Variants in MCTP1 observed in about 807,000 individuals in gnomAD.
MCTP1 encodes the protein multiple C2 and transmembrane domain-containing protein 1.
A neutral mutation model predicts 120.6 loss-of-function variants in MCTP1; 69 were observed. The observed-to-expected ratio is 0.57, with a 90% confidence interval of 0.47 to 0.70. The LOEUF is 0.70. MCTP1 is among the 30% of genes least tolerant of loss of function. MCTP1 has a pLI of 0.00. For missense variants in MCTP1, 1,203 were observed against 1,248.8 expected (o/e 0.96, Z 0.55); for synonymous variants, 529 against 493.1 (o/e 1.07, Z -0.96).
At chr5:94,877,181 T>G (rs78084896) in intron 12 of MCTP1, among the ~76,000 whole-genome samples, 1 of 152,046 alleles carries the variant, frequency 6.6e-6, no homozygotes, top group South Asian at 2.1e-4. Context: ...CTTTTAAAAG[T>G]GAAGGATAAT....
intron 10 of MCTP1, among the ~76,000 whole-genome samples, chr5:94,899,219 C>G (rs901947022): frequency 2.0e-5 from 3 of 152,202 alleles, no homozygotes; most frequent in African/African-American, 7.2e-5. Context: ...ACTGATGGTT[C>G]TATATGTGTG....
chr5:94,766,586 C>T (rs536377117), intron 19 of MCTP1, among the ~76,000 whole-genome samples: 3 of 151,730 alleles, frequency 2.0e-5, no homozygotes, highest in South Asian at 2.1e-4. Context: ...GACGAGTTAA[C>T]GGATGCAGCA....
chr5:94,839,733 C>G (rs555244011), intron 17 of MCTP1, among the ~76,000 whole-genome samples: 2 of 152,080 alleles, frequency 1.3e-5, no homozygotes. Context: ...GGATTTGAAG[C>G]CTGGCTCTGG....
rs535248983 is a variant in MCTP1 at position 95,043,298 on chromosome 5, A to G, written c.721-25814T>C. 5.3e-5 allele frequency among the ~76,000 whole-genome samples: 8 copies of G among 152,262 alleles called. No individual in the cohort carries two copies. In the East Asian group the frequency reaches 1.5e-3, roughly 29 times the overall value. Reference sequence around the variant, plus strand: ...ATAATCTGGTATTAACACTTCTCAAAATTGCCTTTCTCTCCCTCCAAAACT... The same window carrying G: ...ATAATCTGGTATTAACACTTCTCAAGATTGCCTTTCTCTCCCTCCAAAACT... On this transcript the variant is annotated intron_variant, in intron 1 of 22. Coordinates refer to ENST00000515393, the MANE Select transcript of MCTP1 (RefSeq NM_024717.7).
intron 1 of MCTP1, among the ~76,000 whole-genome samples, chr5:95,056,296 T>C (rs1052676938): frequency 6.6e-6 from 1 of 152,212 alleles, no homozygotes; most frequent in Non-Finnish European, 1.5e-5. Context: ...TGTAGGCATA[T>C]CTTGCTAACA....
At chr5:95,117,631 A>G (rs1336389976) in intron 1 of MCTP1, among the ~76,000 whole-genome samples, 1 of 152,194 alleles carries the variant, frequency 6.6e-6, no homozygotes, top group East Asian at 1.9e-4. Flanking sequence ...TAGAACCAGA[A>G]AAACCATTTG....
chr5:94,955,904 C>T (rs1231389148), intron 2 of MCTP1, among the ~76,000 whole-genome samples: 2 of 152,240 alleles, frequency 1.3e-5, no homozygotes, highest in Admixed American at 6.5e-5. Context: ...CCAGCACAGA[C>T]CTTAAGCTCT....
chr5:94,840,179 A>G (rs562128690), intron 17 of MCTP1, among the ~76,000 whole-genome samples: 1 of 152,262 alleles, frequency 6.6e-6, no homozygotes, highest in South Asian at 2.1e-4. Flanking sequence ...GTAGCTGGAA[A>G]AAAAAAATCC....
chr5:94,867,597 T>C (rs1415011224), intron 17 of MCTP1: 5 of 413,724 alleles, frequency 1.2e-5, no homozygotes, highest in African/African-American at 1.0e-4. Flanking sequence ...AAAGAATGAC[T>C]CTACTTAAAC....
At chr5:94,898,512 C>T (rs1804683665) in intron 10 of MCTP1, among the ~76,000 whole-genome samples, 2 of 152,208 alleles carry the variant, frequency 1.3e-5, no homozygotes, top group Non-Finnish European at 2.9e-5. Flanking sequence ...TAGTCTGGTG[C>T]AATGTGAATA....
At chr5:95,028,068 A>G (rs1320068874) in intron 1 of MCTP1, among the ~76,000 whole-genome samples, 1 of 152,238 alleles carries the variant, frequency 6.6e-6, no homozygotes. Flanking sequence ...AATGCTCTGC[A>G]GCTACTAAGT....
At position 94,942,334 on chromosome 5, in the gene MCTP1, A is replaced by T; in HGVS notation, c.1061+14T>A. On this transcript the variant is annotated intron_variant, in intron 4 of 22. Transcript: ENST00000515393. Reference sequence around the variant, plus strand: ...TGACAAGGGGTGGTGATATTACAGCAGTTCAAAAGTTACCTGTTTAACTCC... The same window carrying T: ...TGACAAGGGGTGGTGATATTACAGCTGTTCAAAAGTTACCTGTTTAACTCC... 1 of 1,600,536 alleles carries T rather than the reference A, an allele frequency of 6.2e-7. No individual in the cohort carries two copies. The highest frequency in any genetic ancestry group is 1.1e-5 in the South Asian group (1 of 90,700).
intron 18 of MCTP1, among the ~76,000 whole-genome samples, chr5:94,796,075 T>C (rs929109574): frequency 3.9e-5 from 6 of 152,232 alleles, no homozygotes; most frequent in Non-Finnish European, 7.3e-5. Flanking sequence ...GCCAATACAT[T>C]GAAGACAGAA....
intron 1 of MCTP1, among the ~76,000 whole-genome samples, chr5:95,115,619 G>T (rs1302909659): frequency 6.6e-6 from 1 of 151,934 alleles, no homozygotes; most frequent in Non-Finnish European, 1.5e-5. Flanking sequence ...AGACAATAAA[G>T]CATGCCTACA....
At position 94,779,192 on chromosome 5, in the gene MCTP1, G is replaced by C. The variant is rs1776076736; in HGVS notation, c.2557-29C>G. 1.9e-6 allele frequency: 3 copies of C among 1,604,030 alleles called. No homozygotes were observed. The African/African-American group carries it at 4.0e-5, about 21-fold the overall frequency. ...CAGAGAGAAACAGAAGTCGTTTTTTGTGCTCTTAAAGGAGAGAATTTTGTT... is the reference window on the plus strand; with the variant it reads ...CAGAGAGAAACAGAAGTCGTTTTTTCTGCTCTTAAAGGAGAGAATTTTGTT... On this transcript the variant is annotated intron_variant, in intron 18 of 22. Coordinates refer to ENST00000515393, the MANE Select transcript of MCTP1 (RefSeq NM_024717.7).
chr5:94,770,221 C>T (rs1773741142), intron 19 of MCTP1, among the ~76,000 whole-genome samples: 2 of 152,210 alleles, frequency 1.3e-5, no homozygotes, highest in Admixed American at 6.5e-5. Context: ...GTGGTGTCAG[C>T]CGTGTCAACG....
At chr5:94,843,269 T>C (rs1475934710) in intron 17 of MCTP1, among the ~76,000 whole-genome samples, 2 of 152,064 alleles carry the variant, frequency 1.3e-5, no homozygotes, top group Non-Finnish European at 2.9e-5. Context: ...TCACAAAGAA[T>C]TAGGGAATGG....
At chr5:94,897,346 A>T (rs1480161836) in intron 10 of MCTP1, among the ~76,000 whole-genome samples, 1 of 148,668 alleles carries the variant, frequency 6.7e-6, no homozygotes, top group Non-Finnish European at 1.5e-5. Flanking sequence ...AGTGCTGAAC[A>T]AGCCACCACA....
intron 6 of MCTP1, among the ~76,000 whole-genome samples, chr5:94,928,555 G>A (rs1056981892): frequency 2.6e-5 from 4 of 152,130 alleles, no homozygotes; most frequent in Non-Finnish European, 5.9e-5. Flanking sequence ...GGAGACATCA[G>A]CCCCTTTCTT....
Sources: gnomAD v4.1 joint callset for allele counts (sites outside exome capture counted in the v4.1 genomes callset) on GRCh38, gnomAD v4.1.1 for gene constraint, MANE v1.5 for transcripts, NCBI Gene and HGNC (gene_info 2026-07-23, HGNC 2026-07-21) for gene names.